FRMD3: variants seen among roughly 807,000 people sequenced by gnomAD.
FRMD3 encodes FERM domain-containing protein 3.
In FRMD3, 33 loss-of-function variants were observed where a neutral mutation model predicts 70.2. The ratio of observed to expected loss-of-function variants is 0.47; its 90% CI spans 0.36 to 0.63. The LOEUF (loss-of-function observed/expected upper bound fraction) is 0.63, where lower values mean the gene tolerates loss of function less well. Among genes scored for constraint, FRMD3 ranks in the 20% least tolerant of loss-of-function variants. FRMD3 has a pLI of 0.00. For missense variants in FRMD3, 632 were observed against 711.4 expected, an observed-to-expected ratio of 0.89 and a Z score of 1.27; for synonymous variants, 279 against 255.9, an observed-to-expected ratio of 1.09 and a Z score of -0.86.
At chr9:83,390,806 A>G (rs1217834902) in intron 1 of FRMD3, among the ~76,000 whole-genome samples, 1 of 152,244 alleles carries the variant, frequency 6.6e-6, no homozygotes, top group Non-Finnish European at 1.5e-5. Flanking sequence ...ATATGAAGAA[A>G]TTAGAGGCAT....
intron 1 of FRMD3, among the ~76,000 whole-genome samples, chr9:83,407,052 T>TGTGAG (rs1224043255): frequency 6.6e-6 from 1 of 152,186 alleles, no homozygotes; most frequent in African/African-American, 2.4e-5. Flanking sequence ...CTGCAGATCC[T>TGTGAG]GCTTCTGCAT....
At chr9:83,344,311 G>C (rs149490880) in intron 4 of FRMD3, among the ~76,000 whole-genome samples, 2 of 152,148 alleles carry the variant, frequency 1.3e-5, no homozygotes, top group Non-Finnish European at 2.9e-5. Flanking sequence ...CTTCTTGGGG[G>C]TTTGTGGGGA....
chr9:83,523,771 T>G (rs1172506594), intron 1 of FRMD3, among the ~76,000 whole-genome samples: 2 of 152,202 alleles, frequency 1.3e-5, no homozygotes, highest in Non-Finnish European at 2.9e-5. Flanking sequence ...CTTTTCCTCT[T>G]TTTTTTCCTT....
At chr9:83,244,492 A>ATT (rs35024969), downstream of FRMD3, 43 of 166,760 alleles carry the variant, frequency 2.6e-4, no homozygotes, top group African/African-American at 6.7e-4. Flanking sequence ...ATTACCTGGG[A>ATT]TTTTTTTTTT....
intron 1 of FRMD3, among the ~76,000 whole-genome samples, chr9:83,421,903 C>T (rs761060141): frequency 2.0e-5 from 3 of 152,140 alleles, no homozygotes; most frequent in Non-Finnish European, 4.4e-5. Context: ...ACTCTCTCTA[C>T]ACTGAACATA....
At chr9:83,332,319 C>A (rs561703002) in intron 6 of FRMD3, among the ~76,000 whole-genome samples, 7 of 152,130 alleles carry the variant, frequency 4.6e-5, no homozygotes, top group African/African-American at 1.4e-4. Context: ...CATGAAAATT[C>A]TTCTTAAAAT....
At chr9:83,477,882 T>G (rs1421302338) in intron 1 of FRMD3, among the ~76,000 whole-genome samples, 1 of 152,176 alleles carries the variant, frequency 6.6e-6, no homozygotes, top group Non-Finnish European at 1.5e-5. Flanking sequence ...TTAGAAGAAT[T>G]CACATATTAC....
intron 1 of FRMD3, among the ~76,000 whole-genome samples, chr9:83,491,480 C>T (rs963748801): frequency 6.6e-6 from 1 of 152,168 alleles, no homozygotes; most frequent in African/African-American, 2.4e-5. Flanking sequence ...GTAATGAATC[C>T]TCAGGACACA....
chr9:83,445,788 G>A (rs149969219), intron 1 of FRMD3, among the ~76,000 whole-genome samples: 4 of 152,328 alleles, frequency 2.6e-5, no homozygotes, highest in African/African-American at 9.6e-5. Flanking sequence ...AAGCTTGTAA[G>A]TGAAAAGGCT....
chr9:83,324,976 G>A (rs1425208710), intron 6 of FRMD3, among the ~76,000 whole-genome samples: 2 of 152,218 alleles, frequency 1.3e-5, no homozygotes. Context: ...CCATGGCACA[G>A]CATTTCAAAA....
chr9:83,298,654 A>T, intron 12 of FRMD3, 94 bp downstream of exon 12: 1 of 924,242 alleles, frequency 1.1e-6, no homozygotes, highest in Non-Finnish European at 1.7e-6. Flanking sequence ...GTCCTTCTTT[A>T]ATGCTGTATG....
At chr9:83,429,193 C>T (rs72745065) in intron 1 of FRMD3, among the ~76,000 whole-genome samples, 10,213 of 152,166 alleles carry the variant, frequency 0.067, 409 homozygotes, top group East Asian at 0.16. Flanking sequence ...TAGCAAGTGG[C>T]CATCAGCTTC....
intron 6 of FRMD3, among the ~76,000 whole-genome samples, chr9:83,326,127 T>C (rs1836006579): frequency 6.6e-6 from 1 of 152,212 alleles, no homozygotes; most frequent in Non-Finnish European, 1.5e-5. Flanking sequence ...CCATGTCTAT[T>C]TGATTCTAAA....
intron 3 of FRMD3, among the ~76,000 whole-genome samples, chr9:83,359,884 G>C (rs893012624): frequency 6.6e-6 from 1 of 152,136 alleles, no homozygotes; most frequent in Non-Finnish European, 1.5e-5. Flanking sequence ...TTCGCAGCCT[G>C]CTGAGACCTG....
In FRMD3 at chr9:83,537,953, T is replaced by A; in HGVS notation, c.147+132A>T. ...CCCCCACCCTCAGAGGCCTGAGGAA[T>A]CGAAATCTGGCTTTCTAGCAGTCCC... On this transcript the variant is annotated intron_variant, in intron 1 of 13. Transcript: ENST00000304195. This position sits in a 1 kb window ranked among gnomAD's most constrained non-coding sequence, Gnocchi z 4.1. 1 of 1,042,108 alleles carries A rather than the reference T, an allele frequency of 9.6e-7. No individual in the cohort carries two copies. The highest frequency in any genetic ancestry group is 1.6e-5 in the South Asian group (1 of 64,168). 64.6% of individuals were successfully genotyped at this position (1,042,108 alleles called of 1,614,324 possible).
At chr9:83,499,901 TG>T (rs1829024011) in intron 1 of FRMD3, among the ~76,000 whole-genome samples, 2 of 152,190 alleles carry the variant, frequency 1.3e-5, no homozygotes, top group South Asian at 4.2e-4. Flanking sequence ...ATCCAGACAA[TG>T]GAATATTGTT....
chr9:83,260,407 C>T (rs1432045730), intron 13 of FRMD3, among the ~76,000 whole-genome samples: 1 of 152,106 alleles, frequency 6.6e-6, no homozygotes, highest in Non-Finnish European at 1.5e-5. Flanking sequence ...CAGAGAGACT[C>T]TCACTTCTTA....
At position 83,349,154 on chromosome 9, in the gene FRMD3, A is replaced by G. The variant is rs552121074; in HGVS notation, c.374+525T>C. ...AAGGTACGCTGAAGCTGTAGCCCCA[A>G]CAGAGGGAGGTGAGAAGGGAGGAGG... On this transcript the variant is annotated intron_variant, in intron 4 of 13. Coordinates refer to ENST00000304195, the MANE Select transcript of FRMD3 (RefSeq NM_174938.6). Among the ~76,000 whole-genome samples the G allele has an allele frequency of 1.2e-4, 19 of 152,282 alleles. No individual in the cohort carries two copies. In the South Asian group the frequency reaches 3.5e-3, roughly 28 times the overall value.
intron 1 of FRMD3, among the ~76,000 whole-genome samples, chr9:83,523,250 G>A (rs942528520): frequency 2.0e-5 from 3 of 152,088 alleles, no homozygotes; most frequent in African/African-American, 7.2e-5. Context: ...GTGGATGAGT[G>A]GATGGGTGGG....
Sources: allele counts gnomAD v4.1 joint callset (sites outside exome capture counted in the v4.1 genomes callset), GRCh38; gene constraint gnomAD v4.1.1; non-coding constraint Gnocchi (gnomAD v3.1); transcripts MANE v1.5; gene names NCBI Gene and HGNC (gene_info 2026-07-23, HGNC 2026-07-21).